Variants in GALNT3 observed in about 807,000 individuals in gnomAD.
GALNT3 encodes polypeptide N-acetylgalactosaminyltransferase 3.
Under a neutral mutation model 69.8 loss-of-function variants are expected in GALNT3, and 51 were observed. That is an observed-to-expected ratio of 0.73 (90% CI 0.58 to 0.92). The LOEUF is 0.92. GALNT3 is among the 40% of genes least tolerant of loss of function. The pLI is 0.00. For missense variants in GALNT3, 711 were observed against 760.0 expected (o/e 0.94, Z 0.76); for synonymous variants, 265 against 248.5 (o/e 1.07, Z -0.63).
chr2:165,759,015 T>C (rs1688495454), intron 5 of GALNT3, 151 bp from the exon 6 acceptor site: 2 of 686,064 alleles, frequency 2.9e-6, no homozygotes, highest in South Asian at 1.8e-5. Context: ...ATCTTCAAAG[T>C]CAAGATTTTT....
intron 1 of GALNT3, among the ~76,000 whole-genome samples, chr2:165,771,113 TA>T (rs1688745453): frequency 6.6e-6 from 1 of 152,040 alleles, no homozygotes; most frequent in African/African-American, 2.4e-5. Context: ...TATTTTGAGT[TA>T]AAAAAGAATA....
At position 165,765,012 on chromosome 2, in the gene GALNT3, G is replaced by T. The variant is rs373080566; in HGVS notation, c.560C>A (p.Thr187Asn). 3 of 1,614,186 alleles carry T rather than the reference G, an allele frequency of 1.9e-6. No homozygotes were observed. The highest frequency in any genetic ancestry group is 2.5e-6 in the Non-Finnish European group (3 of 1,180,018). ...KFKRCPPLPT[T>N]SVIIVFHNEA... ...ATTATGAAAAACTATTATGACACTG[G>T]TGGTGGGCAGGGGAGGGCAGCGCTT... The change falls in exon 3 of 11, where the codon ACC becomes AAC. Residue 187 changes from threonine to asparagine, a missense_variant. Coordinates refer to ENST00000392701, the MANE Select transcript of GALNT3 (RefSeq NM_004482.4).
intron 1 of GALNT3, among the ~76,000 whole-genome samples, chr2:165,783,504 ACTC>A (rs972646333): frequency 9.2e-5 from 14 of 151,882 alleles, no homozygotes; most frequent in Admixed American, 9.2e-4. Context: ...TGTGATAGAC[ACTC>A]CTCCTCCATC....
chr2:165,753,684 C>T (rs1401403887), intron 9 of GALNT3, among the ~76,000 whole-genome samples: 2 of 151,934 alleles, frequency 1.3e-5, no homozygotes, highest in East Asian at 1.9e-4. Flanking sequence ...GGAAAGGAAG[C>T]TTAAAAAAAC....
At chr2:165,780,350 AAACT>A (rs1387280699) in intron 1 of GALNT3, among the ~76,000 whole-genome samples, 2 of 152,170 alleles carry the variant, frequency 1.3e-5, no homozygotes, top group African/African-American at 2.4e-5. Context: ...CCTCTTCCTC[AAACT>A]AACTACCTTG....
At chr2:165,774,070 G>A (rs987332318) in intron 1 of GALNT3, among the ~76,000 whole-genome samples, 12 of 152,174 alleles carry the variant, frequency 7.9e-5, no homozygotes, top group South Asian at 4.1e-4. Flanking sequence ...TCACCTATGG[G>A]GTTCCGGAAG....
In GALNT3 at chr2:165,765,077, A is replaced by G. The variant is rs1200132900; in HGVS notation, c.516-21T>C. The stretch of plus-strand genomic sequence containing the variant: ...TACATCTAGAAGAAGTCAGAGAAGT[A>G]GAAAAACAATTACAAATTTTATTAT... On this transcript the variant is annotated intron_variant, in intron 2 of 10. Transcript: ENST00000392701. 1.9e-6 allele frequency: 3 copies of G among 1,604,998 alleles called. No individual in the cohort carries two copies. In the South Asian group the frequency reaches 3.3e-5, roughly 18 times the overall value.
At chr2:165,754,090 ATTTG>A (rs1275120458) in intron 9 of GALNT3, among the ~76,000 whole-genome samples, 6 of 143,996 alleles carry the variant, frequency 4.2e-5, no homozygotes, top group East Asian at 2.0e-4. Context: ...TTTTTTTTTA[ATTTG>A]TTTGTTTGTT....
chr2:165,777,791 A>G (rs1046615193), intron 1 of GALNT3, among the ~76,000 whole-genome samples: 2 of 152,204 alleles, frequency 1.3e-5, no homozygotes, highest in African/African-American at 4.8e-5. Context: ...TCTCAGCTAA[A>G]GGCAAAGTAG....
intron 2 of GALNT3, among the ~76,000 whole-genome samples, chr2:165,769,232 CCT>C (rs1256058184): frequency 7.0e-6 from 1 of 143,568 alleles, no homozygotes; most frequent in African/African-American, 2.5e-5. Flanking sequence ...ATGGTGAAAC[CCT>C]GTCTCTATTA....
In GALNT3 at chr2:165,770,391, C is replaced by T; in HGVS notation, c.310G>A (p.Ala104Thr). The stretch of plus-strand genomic sequence containing the variant: ...TCAAGGACAGGCTTCAATTCTGCTG[C>T]TGTATAATATCCTTGCAAACAAGGT... ...ERPCLQGYYT[A>T]AELKPVLDRP... The change falls in exon 2 of 11, where the codon GCA becomes ACA. Residue 104 changes from alanine (A) to threonine (T), a missense_variant. Ala to Thr is a moderately conservative substitution (Grantham distance 58, BLOSUM62 0). Coordinates refer to ENST00000392701, the MANE Select transcript of GALNT3 (RefSeq NM_004482.4). 6.2e-7 allele frequency: 1 copy of T among 1,614,224 alleles called. No individual in the cohort carries two copies. Among genetic ancestry groups the T allele is most frequent in the Non-Finnish European group, 8.5e-7 (1 of 1,180,038 alleles).
intron 10 of GALNT3, 74 bp from the exon 11 acceptor site, chr2:165,748,977 T>C: frequency 6.9e-7 from 1 of 1,456,294 alleles, no homozygotes; most frequent in Non-Finnish European, 9.5e-7. Context: ...AAAGATTTTA[T>C]GGTTTCATTG....
intron 2 of GALNT3, among the ~76,000 whole-genome samples, chr2:165,765,498 T>A (rs1478985043): frequency 3.1e-4 from 17 of 55,332 alleles, no homozygotes. Flanking sequence ...ACTTTATTAA[T>A]TTTTTTTTTT....
chr2:165,787,298 G>C (rs1184223157), intron 1 of GALNT3, among the ~76,000 whole-genome samples: 1 of 152,234 alleles, frequency 6.6e-6, no homozygotes. Context: ...AAGACCTAGA[G>C]GCAGAAGGAA....
intron 1 of GALNT3, among the ~76,000 whole-genome samples, chr2:165,771,092 T>A (rs1438967980): frequency 1.3e-5 from 2 of 152,114 alleles, no homozygotes; most frequent in African/African-American, 4.8e-5. Flanking sequence ...ATAAAATTAA[T>A]TTTATAAATA....
chr2:165,761,888 C>T lies in GALNT3; in HGVS notation c.838+17G>A, dbSNP rs1378482903. On this transcript the variant is annotated intron_variant, in intron 4 of 10. Transcript: ENST00000392701. ...GGAGGGAAAATGTTACAACCATATCCATACATATATACTTACAGTGAGCAT... is the reference window on the plus strand; with the variant it reads ...GGAGGGAAAATGTTACAACCATATCTATACATATATACTTACAGTGAGCAT... The T allele has an allele frequency of 1.2e-6, 2 of 1,613,308 alleles. No homozygotes were observed. The highest frequency in any genetic ancestry group is 2.7e-5 in the African/African-American group (2 of 74,880).
chr2:165,756,820 C>T (rs973494631), intron 7 of GALNT3, among the ~76,000 whole-genome samples: 3 of 152,148 alleles, frequency 2.0e-5, no homozygotes. Flanking sequence ...CAAAAATGAA[C>T]TATCTTTCAT....
Position 165,748,797 on chromosome 2 carries a change from A to C in GALNT3, c.1886T>G (p.Leu629Arg), listed in dbSNP as rs755865415. 6.2e-7 allele frequency: 1 copy of C among 1,611,280 alleles called. No homozygotes were observed. Among genetic ancestry groups the C allele is most frequent in the Admixed American group, 1.7e-5 (1 of 59,762 alleles). Reference sequence around the variant, plus strand: ...AAGGAACACTTAATCATTTTGGCTAAGTATCCATTTTTGGAGTGGATCTGA... The same window carrying C: ...AAGGAACACTTAATCATTTTGGCTACGTATCCATTTTTGGAGTGGATCTGA... ...NPSDPLQKWILSQND is the reference protein window; with the variant it reads ...NPSDPLQKWIRSQND The change falls in exon 11 of 11, where the codon CTT (leucine) becomes CGT (arginine). Residue 629 changes from leucine to arginine, a missense_variant. By Grantham distance (102) the Leu-to-Arg change is moderately radical (BLOSUM62 -2). Coordinates refer to ENST00000392701, the MANE Select transcript of GALNT3 (RefSeq NM_004482.4).
chr2:165,752,241 C>T (rs958127958), intron 9 of GALNT3, among the ~76,000 whole-genome samples: 1 of 152,188 alleles, frequency 6.6e-6, no homozygotes, highest in African/African-American at 2.4e-5. Context: ...AGATGAGCAT[C>T]TTCTCCTGGA....
Sources: allele counts gnomAD v4.1 joint callset (sites outside exome capture counted in the v4.1 genomes callset), GRCh38; gene constraint gnomAD v4.1.1; transcripts MANE v1.5; gene names NCBI Gene and HGNC (gene_info 2026-07-23, HGNC 2026-07-21).